The following TCTN1 variants were observed in gnomAD, a reference collection of about 807,000 sequenced individuals.
TCTN1 encodes the protein tectonic-1.
TCTN1 carries 58 observed loss-of-function variants against 65.8 expected under a neutral mutation model. The observed-to-expected ratio is 0.88, with a 90% CI of 0.71 to 1.10. The LOEUF (loss-of-function observed/expected upper bound fraction) is 1.10. Ranked by LOEUF, TCTN1 falls within the 50% of genes least tolerant of loss-of-function variation. The pLI is 0.00. For missense variants in TCTN1, 645 were observed against 719.4 expected (o/e 0.90, Z 1.18); for synonymous variants, 273 against 289.1 (o/e 0.94, Z 0.57).
intron 5 of TCTN1, among the ~76,000 whole-genome samples, chr12:110,633,029 A>AT (rs1448390679): frequency 1.3e-5 from 2 of 152,126 alleles, no homozygotes; most frequent in African/African-American, 2.4e-5. Flanking sequence ...TAGTATCTCC[A>AT]TTTTTTAGAG....
Position 110,618,248 on chromosome 12 carries a change from A to AT in TCTN1, c.221-1578dup, listed in dbSNP as rs1016622623. Reference sequence around the variant, plus strand: ...ACCACCATACCTGGCTAATTTTTGAATTTTTTTTTTGAGATGGAGTCTCGC... The same window carrying AT: ...ACCACCATACCTGGCTAATTTTTGAATTTTTTTTTTTGAGATGGAGTCTCGC... On this transcript the variant is annotated intron_variant, in intron 1 of 14. Transcript: ENST00000397659. 8.0e-4 allele frequency among the ~76,000 whole-genome samples: 111 copies of AT among 138,382 alleles called. 1 individual carries two copies. The highest frequency in any genetic ancestry group is 2.6e-3 in the African/African-American group (96 of 37,362). The allele number at this position is 138,382 out of a possible 152,430, so 90.8% of individuals were successfully genotyped here.
chr12:110,628,667 C>G, intron 3 of TCTN1, 100 bp from the exon 4 acceptor site: 2 of 1,055,412 alleles, frequency 1.9e-6, no homozygotes, highest in Non-Finnish European at 2.8e-6. Context: ...TTTACATCAG[C>G]CTTGATGCTA....
In TCTN1 at chr12:110,641,557, G is replaced by C; in HGVS notation, c.1120G>C (p.Val374Leu). The change falls in exon 10 of 15, where the codon GTC (valine) becomes CTC (leucine). Residue 374 changes from valine to leucine, a missense_variant. By Grantham distance (32) the Val-to-Leu change is conservative. Transcript: ENST00000397659. ...IHFLQENTQP[V>L]PLSGNPGYVV... Reference sequence around the variant, plus strand: ...TGTCTTTCAGGAAAATACCCAGCCAGTCCCTCTCAGTGGAAACCCTGGTTA... The same window carrying C: ...TGTCTTTCAGGAAAATACCCAGCCACTCCCTCTCAGTGGAAACCCTGGTTA... 1 of 1,614,098 alleles carries C rather than the reference G, an allele frequency of 6.2e-7. No individual in the cohort carries two copies. Among genetic ancestry groups the C allele is most frequent in the Middle Eastern group, 1.6e-4 (1 of 6,084 alleles).
intron 2 of TCTN1, among the ~76,000 whole-genome samples, chr12:110,622,141 A>AATAAT (rs2065475072): frequency 2.7e-5 from 4 of 149,716 alleles, no homozygotes; most frequent in Admixed American, 2.7e-4. Context: ...CCATAAAAAA[A>AATAAT]AATAATAATA....
chr12:110,624,644 C>T (rs1286685419), intron 2 of TCTN1, among the ~76,000 whole-genome samples: 2 of 151,056 alleles, frequency 1.3e-5, no homozygotes, highest in Non-Finnish European at 2.9e-5. Flanking sequence ...AGTGCAGTGG[C>T]ACGATCTTGG....
At chr12:110,636,909 G>A (rs1221704391) in intron 7 of TCTN1, among the ~76,000 whole-genome samples, 2 of 152,388 alleles carry the variant, frequency 1.3e-5, no homozygotes, top group Non-Finnish European at 2.9e-5. Context: ...CCGCGTGGGA[G>A]GCGTGCCCCG....
intron 12 of TCTN1, chr12:110,646,094 G>C (rs2067280264): frequency 6.6e-6 from 1 of 152,250 alleles, no homozygotes; most frequent in Non-Finnish European, 1.5e-5. Flanking sequence ...AGGCAGCAGT[G>C]CGCACATGGC....
chr12:110,629,199 A>G (rs1227987679), intron 4 of TCTN1: 2 of 507,742 alleles, frequency 3.9e-6, no homozygotes, highest in Admixed American at 7.5e-5. Context: ...AGACATCATG[A>G]GTAAAACAAC....
At chr12:110,621,072 C>A (rs1387082931) in intron 2 of TCTN1, among the ~76,000 whole-genome samples, 1 of 152,034 alleles carries the variant, frequency 6.6e-6, no homozygotes, top group Non-Finnish European at 1.5e-5. Flanking sequence ...CCCAAAGTGC[C>A]GGGATTTCAG....
At chr12:110,623,862 G>C (rs952661758) in intron 2 of TCTN1, among the ~76,000 whole-genome samples, 1 of 151,638 alleles carries the variant, frequency 6.6e-6, no homozygotes, top group Non-Finnish European at 1.5e-5. Flanking sequence ...TGGGATTACA[G>C]GCATGAGCCA....
At position 110,632,455 on chromosome 12, in the gene TCTN1, GGTT is replaced by G. The variant is rs779901439; in HGVS notation, c.625-11_625-9del. 1 of 1,613,288 alleles carries G rather than the reference GGTT, an allele frequency of 6.2e-7. No homozygotes were observed. The highest frequency in any genetic ancestry group is 1.1e-5 in the South Asian group (1 of 91,044). ...CTTTAATTACACCATAACGACTGTTGGTTGTTGTGTTTGCAGTATGGGGTTCCT... is the reference window on the plus strand; with the variant it reads ...CTTTAATTACACCATAACGACTGTTGGTTGTGTTTGCAGTATGGGGTTCCT... On this transcript the variant is annotated splice_polypyrimidine_tract_variant and intron_variant, in intron 4 of 14. Transcript: ENST00000397659.
At chr12:110,634,479 C>T (rs1275120177) in intron 5 of TCTN1, 191 bp from the exon 6 acceptor site, 1 of 609,266 alleles carries the variant, frequency 1.6e-6, no homozygotes, top group Non-Finnish European at 3.0e-6. Flanking sequence ...GAGTTTGAGA[C>T]CAGTCTGGGC....
intron 1 of TCTN1, 93 bp downstream of exon 1, chr12:110,614,495 T>A (rs541013284): frequency 6.5e-7 from 1 of 1,543,278 alleles, no homozygotes; most frequent in South Asian, 1.2e-5. Context: ...CTAACTCTTA[T>A]TGAGCACTTA....
At chr12:110,632,930 T>G (rs183263610) in intron 5 of TCTN1, among the ~76,000 whole-genome samples, 73 of 152,316 alleles carry the variant, frequency 4.8e-4, no homozygotes, top group Non-Finnish European at 6.5e-4. Flanking sequence ...AGCTAACCAT[T>G]ATTAAGCACA....
rs1473156561 is a variant in TCTN1, at chr12:110,639,373, G to A, written c.844-1010G>A. Among the ~76,000 whole-genome samples the A allele has an allele frequency of 6.6e-6, 1 of 152,164 alleles. No individual in the cohort carries two copies. The highest frequency in any genetic ancestry group is 1.5e-5 in the Non-Finnish European group (1 of 68,028). ...CTGGGATAAGCAGGGCTTCCCTGGT[G>A]CTGCTGAAAATGTTTGTCTGTGTCT... On this transcript the variant is annotated intron_variant, in intron 7 of 14. Transcript: ENST00000397659. This position sits in a 1 kb window ranked among gnomAD's most constrained non-coding sequence, Gnocchi z 4.9.
At chr12:110,636,964 G>T (rs187760298) in intron 7 of TCTN1, among the ~76,000 whole-genome samples, 1 of 152,354 alleles carries the variant, frequency 6.6e-6, no homozygotes, top group Admixed American at 6.5e-5. Context: ...TCTTTTCAAA[G>T]CCTTATCGCC....
chr12:110,645,232 C>G, intron 12 of TCTN1, 103 bp downstream of exon 12: 1 of 1,494,030 alleles, frequency 6.7e-7, no homozygotes, highest in South Asian at 1.2e-5. Context: ...CAGGATGGCC[C>G]TGAGTGGGAG....
At chr12:110,634,092 G>A (rs1221619422) in intron 5 of TCTN1, among the ~76,000 whole-genome samples, 1 of 152,096 alleles carries the variant, frequency 6.6e-6, no homozygotes, top group East Asian at 1.9e-4. Context: ...AAGATATATT[G>A]TTCAGTAAAC....
chr12:110,636,286 C>T, intron 6 of TCTN1, 195 bp from the exon 7 acceptor site: 1 of 517,220 alleles, frequency 1.9e-6, no homozygotes, highest in South Asian at 2.0e-5. Flanking sequence ...AAGGAAAACG[C>T]AATGTGACCT....
Sources: gnomAD v4.1 joint callset for allele counts (sites outside exome capture counted in the v4.1 genomes callset) on GRCh38, gnomAD v4.1.1 for gene constraint, Gnocchi (gnomAD v3.1) non-coding constraint, MANE v1.5 for transcripts, NCBI Gene and HGNC (gene_info 2026-07-23, HGNC 2026-07-21) for gene names.